Variants in PTK2 observed in about 807,000 individuals in gnomAD.
PTK2 encodes the protein protein tyrosine kinase 2.
A neutral mutation model predicts 150.1 loss-of-function variants in PTK2; 45 were observed. That is an observed-to-expected ratio of 0.30 (90% CI 0.24 to 0.38). The LOEUF is 0.38. PTK2 is among the 10% of genes least tolerant of loss of function. The probability of loss-of-function intolerance (pLI) is 1.00; values close to 1 mark genes in which losing one functional copy is unlikely to be tolerated. For synonymous variants in PTK2, 432 were observed against 449.2 expected, an observed-to-expected ratio of 0.96 and a Z score of 0.48; for missense variants, 919 against 1,307.3, an observed-to-expected ratio of 0.70 and a Z score of 4.58.
chr8:140,760,981 A>G (rs1385719828), intron 16 of PTK2, among the ~76,000 whole-genome samples, 184 bp downstream of exon 19: 1 of 152,210 alleles, frequency 6.6e-6, no homozygotes, highest in African/African-American at 2.4e-5. Context: ...TGTAGGAGCT[A>G]ATGTTGCCAT....
chr8:140,921,231 G>C (rs2100167293), intron 2 of PTK2: 3 of 745,346 alleles, frequency 4.0e-6, no homozygotes, highest in Non-Finnish European at 5.2e-6. Flanking sequence ...ATTCATTCAG[G>C]GAAGGAGAAA....
intron 11 of PTK2, among the ~76,000 whole-genome samples, chr8:140,801,531 C>T (rs2154593556): frequency 6.6e-6 from 1 of 152,280 alleles, no homozygotes; most frequent in East Asian, 1.9e-4. Flanking sequence ...CCTCTCATGC[C>T]TCAGTTTCCT....
intron 26 of PTK2, 88 bp downstream of exon 29, chr8:140,700,803 T>G: frequency 6.7e-7 from 1 of 1,500,110 alleles, no homozygotes; most frequent in Non-Finnish European, 9.0e-7. Flanking sequence ...TCTCCTGCTT[T>G]GAAAGATAAC....
intron 1 of PTK2, among the ~76,000 whole-genome samples, chr8:140,970,851 C>CTACA (rs893149364): frequency 1.9e-5 from 1 of 53,486 alleles, no homozygotes; most frequent in African/African-American, 3.7e-5. Flanking sequence ...AGTTGTCTGA[C>CTACA]TACAACATGT....
intron 8 of PTK2, among the ~76,000 whole-genome samples, chr8:140,830,133 C>T (rs1397587648): frequency 2.6e-5 from 4 of 151,924 alleles, no homozygotes; most frequent in African/African-American, 7.3e-5. Flanking sequence ...TCCACCACCA[C>T]GATTATTTTA....
chr8:140,670,482 A>C (rs1350284564), intron 29 of PTK2, among the ~76,000 whole-genome samples: 15 of 39,308 alleles, frequency 3.8e-4, no homozygotes, highest in African/African-American at 8.9e-4. Context: ...AAAAAAAAAA[A>C]ACAACAACAC....
chr8:140,679,246 A>T (rs887846723), intron 27 of PTK2, among the ~76,000 whole-genome samples: 2 of 151,656 alleles, frequency 1.3e-5, no homozygotes, highest in African/African-American at 4.8e-5. Flanking sequence ...GCTGGTCTTG[A>T]ACTCCTGACC....
At chr8:140,719,138 T>G (rs985857078) in intron 22 of PTK2, among the ~76,000 whole-genome samples, 1 of 152,088 alleles carries the variant, frequency 6.6e-6, no homozygotes, top group Admixed American at 6.5e-5. Context: ...ATCACGCCAC[T>G]GTACTCCAGC....
intron 31 of PTK2, chr8:140,662,748 G>T (rs1448591581): frequency 5.1e-6 from 3 of 590,082 alleles, no homozygotes. Context: ...CTCTGGGTAT[G>T]ATGCTGAGAA....
At chr8:140,708,465 C>G (rs960802074) in intron 23 of PTK2, among the ~76,000 whole-genome samples, 7 of 152,196 alleles carry the variant, frequency 4.6e-5, no homozygotes, top group Admixed American at 1.3e-4. Flanking sequence ...CCTAAGGAGG[C>G]CTTTTTCACA....
intron 1 of PTK2, among the ~76,000 whole-genome samples, chr8:140,977,207 T>C (rs374063704): frequency 4.6e-5 from 7 of 151,802 alleles, no homozygotes; most frequent in East Asian, 1.9e-4. Flanking sequence ...TTTGGCAACA[T>C]AGTGGGACCC....
chr8:140,737,103 A>G (rs1477218163), intron 21 of PTK2, among the ~76,000 whole-genome samples: 3 of 152,204 alleles, frequency 2.0e-5, no homozygotes, highest in Admixed American at 6.5e-5. Context: ...TTGAGAACTT[A>G]ATGTGTTCCT....
chr8:140,787,087 G>C (rs1322955431), intron 14 of PTK2, among the ~76,000 whole-genome samples: 1 of 152,128 alleles, frequency 6.6e-6, no homozygotes, highest in African/African-American at 2.4e-5. Context: ...ATTACTAAAA[G>C]TTTCTGACCA....
chr8:140,692,818 G>A (rs994518127), intron 26 of PTK2, among the ~76,000 whole-genome samples: 3 of 152,108 alleles, frequency 2.0e-5, no homozygotes, highest in East Asian at 1.9e-4. Context: ...GCCTTGCTGC[G>A]TAGCAGAAGC....
At chr8:140,957,951 G>C (rs1157601832) in intron 1 of PTK2, among the ~76,000 whole-genome samples, 1 of 152,042 alleles carries the variant, frequency 6.6e-6, no homozygotes, top group East Asian at 1.9e-4. Flanking sequence ...ATTACAAAAA[G>C]AAAAAGACAA....
At chr8:140,751,015 CGA>C (rs978409773) in intron 17 of PTK2, among the ~76,000 whole-genome samples, 3 of 152,018 alleles carry the variant, frequency 2.0e-5, no homozygotes, top group African/African-American at 7.2e-5. Flanking sequence ...TTTGCAGCCC[CGA>C]GATGGGAGGA....
chr8:140,700,809 A>G (rs1184606658), intron 26 of PTK2, 82 bp downstream of exon 29: 13 of 1,515,266 alleles, frequency 8.6e-6, no homozygotes, highest in African/African-American at 2.8e-5. Flanking sequence ...GCTTTGAAAG[A>G]TAACATTTTG....
chr8:140,691,695 C>T (rs2100023308), intron 26 of PTK2, among the ~76,000 whole-genome samples: 1 of 152,196 alleles, frequency 6.6e-6, no homozygotes, highest in Admixed American at 6.5e-5. Context: ...TTGGACAAGG[C>T]ATATAACCTC....
At chr8:140,702,461 C>T in intron 25 of PTK2, 109 bp downstream of exon 28, 1 of 1,352,802 alleles carries the variant, frequency 7.4e-7, no homozygotes, top group South Asian at 1.5e-5. Context: ...TCAAGCAATC[C>T]TCCTACTTCA....
Sources: gnomAD v4.1 joint callset for allele counts (sites outside exome capture counted in the v4.1 genomes callset) on GRCh38, gnomAD v4.1.1 for gene constraint, MANE v1.5 for transcripts, NCBI Gene and HGNC (gene_info 2026-07-23, HGNC 2026-07-21) for gene names.